Variants in SUPT6H observed in about 807,000 individuals in gnomAD.
SUPT6H encodes the protein SPT6 homolog, histone chaperone and transcription elongation factor, also known as transcription elongation factor SPT6.
Under a neutral mutation model 222.3 loss-of-function variants are expected in SUPT6H, and 11 were observed. The observed-to-expected ratio is 0.05, with a 90% CI of 0.03 to 0.08. The LOEUF is 0.08. SUPT6H is among the 10% of genes least tolerant of loss of function. The pLI is 1.00. For synonymous variants in SUPT6H, 762 were observed against 801.2 expected (o/e 0.95, Z 0.83); for missense variants, 1,422 against 2,216.0 (o/e 0.64, Z 7.19).
At chr17:28,669,322 G>C (rs1434638497) in intron 1 of SUPT6H, among the ~76,000 whole-genome samples, 1 of 152,050 alleles carries the variant, frequency 6.6e-6, no homozygotes, top group Non-Finnish European at 1.5e-5. Flanking sequence ...CTCCTGAATA[G>C]CTGGGACTAC....
intron 29 of SUPT6H, among the ~76,000 whole-genome samples, chr17:28,696,019 G>A (rs2031890294): frequency 6.6e-6 from 1 of 151,948 alleles, no homozygotes; most frequent in Non-Finnish European, 1.5e-5. Context: ...TTTTTAAATA[G>A]CCAGGAGCCA....
intron 28 of SUPT6H, among the ~76,000 whole-genome samples, chr17:28,694,832 C>T (rs746746302): frequency 1.3e-5 from 2 of 152,054 alleles, no homozygotes; most frequent in Non-Finnish European, 2.9e-5. Context: ...GGTGAAACCC[C>T]GTCTCTACAG....
intron 1 of SUPT6H, among the ~76,000 whole-genome samples, chr17:28,667,403 G>GTATA (rs1432342239): frequency 0.19 from 7,983 of 42,012 alleles, 1,057 homozygotes; most frequent in Non-Finnish European, 0.28. Context: ...AAGTGTGTGT[G>GTATA]TGTATATATA....
At chr17:28,666,449 CTT>C (rs1285053643) in intron 1 of SUPT6H, among the ~76,000 whole-genome samples, 4 of 151,876 alleles carry the variant, frequency 2.6e-5, no homozygotes, top group Non-Finnish European at 5.9e-5. Context: ...GTTAATCTCT[CTT>C]TGTGTTGCAG....
chr17:28,699,838 A>T lies in SUPT6H; in HGVS notation c.4506A>T (p.Pro1502=), dbSNP rs147093801. 93 of 1,613,940 alleles carry T rather than the reference A, an allele frequency of 5.8e-5. No homozygotes were observed. In the African/African-American group the frequency reaches 1.2e-3, roughly 21 times the overall value. ...TCCGGTACCGGGGCCAGATCTTCCC[A>T]ACCGTGAATGGACTGTTTAGATGGT... ...EGFRYRGQIF[P]TVNGLFRWFK... Residue 1502 remains proline, a synonymous_variant, in exon 33 of 37, where the codon CCA becomes CCT. Transcript: ENST00000314616.
chr17:28,687,462 C>A lies in SUPT6H; in HGVS notation c.2997C>A (p.His999Gln). ...VCGLGPRKGTHLLKILKQNNT... is the reference protein window; with the variant it reads ...VCGLGPRKGTQLLKILKQNNT... Reference sequence around the variant, plus strand: ...GCCTGGGACCTCGGAAAGGGACCCACCTCCTGAAGGTAGGATTGGAGTGAA... The same window carrying A: ...GCCTGGGACCTCGGAAAGGGACCCAACTCCTGAAGGTAGGATTGGAGTGAA... The change falls in exon 23 of 37, where the codon CAC (histidine) becomes CAA (glutamine). Residue 999 changes from histidine (H) to glutamine (Q), a missense_variant. His to Gln is a conservative substitution (Grantham distance 24). Coordinates refer to ENST00000314616, the MANE Select transcript of SUPT6H (RefSeq NM_003170.5). 1.2e-6 allele frequency: 2 copies of A among 1,614,022 alleles called. No homozygotes were observed. The highest frequency in any genetic ancestry group is 8.5e-7 in the Non-Finnish European group (1 of 1,179,988).
chr17:28,681,867 A>G lies in SUPT6H; in HGVS notation c.1499-15A>G, dbSNP rs752159607. The G allele has an allele frequency of 1.3e-6, 2 of 1,599,498 alleles. No individual in the cohort carries two copies. Among genetic ancestry groups the G allele is most frequent in the East Asian group, 4.5e-5 (2 of 44,454 alleles). Reference sequence around the variant, plus strand: ...GGAAACTAGAACCCTAAATCTCCCCATGTTTTCTTCCCAGGTGAAGGTGAC... The same window carrying G: ...GGAAACTAGAACCCTAAATCTCCCCGTGTTTTCTTCCCAGGTGAAGGTGAC... On this transcript the variant is annotated splice_polypyrimidine_tract_variant and intron_variant, in intron 12 of 36. Transcript: ENST00000314616.
rs982041493 is a variant in SUPT6H at position 28,688,037 on chromosome 17, C to T, written c.3007-54C>T. The T allele has an allele frequency of 2.2e-5, 34 of 1,537,320 alleles. No homozygotes were observed. The highest frequency in any genetic ancestry group is 1.2e-4 in the Admixed American group (6 of 50,786). On this transcript the variant is annotated intron_variant, in intron 23 of 36. Coordinates refer to ENST00000314616, the MANE Select transcript of SUPT6H (RefSeq NM_003170.5). This position sits in a 1 kb window ranked among gnomAD's most constrained non-coding sequence, Gnocchi z 4.3. Reference sequence around the variant, plus strand: ...AGGGTTTAATAGAGACTGGAACAGTCTGGGGAGGTGGGGCCTGCTTACTGC... The same window carrying T: ...AGGGTTTAATAGAGACTGGAACAGTTTGGGGAGGTGGGGCCTGCTTACTGC...
intron 1 of SUPT6H, among the ~76,000 whole-genome samples, chr17:28,667,401 GTGTGTATATATATATA>G (rs2030102520): frequency 5.0e-5 from 1 of 20,032 alleles, no homozygotes; most frequent in South Asian, 3.6e-3. Context: ...AAAAGTGTGT[GTGTGTATATATATATA>G]TATATATATA....
intron 1 of SUPT6H, among the ~76,000 whole-genome samples, chr17:28,667,403 G>GCATATATA (rs1555546894): frequency 2.4e-5 from 1 of 42,352 alleles, no homozygotes; most frequent in Non-Finnish European, 4.8e-5. Context: ...AAGTGTGTGT[G>GCATATATA]TGTATATATA....
intron 29 of SUPT6H, 41 bp from the exon 30 acceptor site, chr17:28,696,802 AG>A: frequency 6.3e-7 from 1 of 1,578,306 alleles, no homozygotes; most frequent in Non-Finnish European, 8.7e-7. Flanking sequence ...GCCAGCTCCT[AG>A]CCCCATCACC....
intron 20 of SUPT6H, 95 bp from the exon 21 acceptor site, chr17:28,686,559 A>C (rs1186942346): frequency 1.3e-6 from 2 of 1,542,944 alleles, no homozygotes; most frequent in Non-Finnish European, 1.7e-6. Context: ...TTTTCTTCAA[A>C]GCCCTTTCCT....
At position 28,690,176 on chromosome 17, in the gene SUPT6H, C is replaced by G. The variant is rs2031575703; in HGVS notation, c.3437C>G (p.Thr1146Arg). The change falls in exon 26 of 37, where the codon ACA (threonine) becomes AGA (arginine). Residue 1146 changes from threonine (T) to arginine (R), a missense_variant. By Grantham distance (71) the Thr-to-Arg change is moderately conservative (BLOSUM62 -1). This residue lies in a region of SUPT6H where 60 missense variants were observed against 96.7 expected (regional missense o/e 0.62). Coordinates refer to ENST00000314616, the MANE Select transcript of SUPT6H (RefSeq NM_003170.5). ...CGGACAGCCTACCGCTCTCCCAACACAGAGGAGATCTTCAATATGTTAACC... is the reference window on the plus strand; with the variant it reads ...CGGACAGCCTACCGCTCTCCCAACAGAGAGGAGATCTTCAATATGTTAACC... ...DLRTAYRSPN[T>R]EEIFNMLTKE... is the part of the protein sequence containing the mutation. The G allele has an allele frequency of 6.2e-7, 1 of 1,613,888 alleles. No individual in the cohort carries two copies. Among genetic ancestry groups the G allele is most frequent in the Non-Finnish European group, 8.5e-7 (1 of 1,180,028 alleles).
chr17:28,687,600 G>A, intron 23 of SUPT6H, 129 bp downstream of exon 23: 1 of 1,076,320 alleles, frequency 9.3e-7, no homozygotes, highest in Admixed American at 2.5e-5. Flanking sequence ...CACTCAGCTA[G>A]TGAGAGTCAA....
chr17:28,669,879 C>T (rs532622091), intron 1 of SUPT6H, among the ~76,000 whole-genome samples: 197 of 152,294 alleles, frequency 1.3e-3, no homozygotes, highest in Non-Finnish European at 2.2e-3. Flanking sequence ...GAGGTTGCAG[C>T]GAGCCAGGAT....
chr17:28,677,640 G>A (rs2030837350), intron 7 of SUPT6H, 75 bp from the exon 8 acceptor site: 2 of 1,044,560 alleles, frequency 1.9e-6, no homozygotes, highest in Non-Finnish European at 3.0e-6. Flanking sequence ...ACACGTTTCT[G>A]TCCAAAAAGG....
chr17:28,683,494 T>TC (rs2031225929), intron 16 of SUPT6H, 72 bp downstream of exon 16: 1 of 1,595,102 alleles, frequency 6.3e-7, no homozygotes, highest in African/African-American at 1.3e-5. Context: ...GAAGGGCCCC[T>TC]CAGGAGTGGG....
Position 28,701,528 on chromosome 17 carries a change from G to A in SUPT6H, c.5084G>A (p.Arg1695Gln), listed in dbSNP as rs754596281. ...KEAERRKQKQ[R>Q]LTPRPSPSPM... ...GCAGAACGGCGGAAACAGAAGCAGC[G>A]GCTGACACCTCGGCCCTCCCCCAGC... is the stretch of plus-strand genomic sequence containing the variant. Residue 1695 changes from arginine to glutamine, a missense_variant, in exon 37 of 37, where the codon CGG becomes CAG. Arg to Gln is a conservative substitution (Grantham distance 43). Around this residue, in one of 13 missense-constraint regions of SUPT6H, gnomAD observed 395 missense variants for 580.6 expected, o/e 0.68. Coordinates refer to ENST00000314616, the MANE Select transcript of SUPT6H (RefSeq NM_003170.5). The A allele has an allele frequency of 3.3e-5, 53 of 1,613,982 alleles. No individual in the cohort carries two copies. The highest frequency in any genetic ancestry group is 4.4e-5 in the South Asian group (4 of 91,084).
intron 1 of SUPT6H, chr17:28,670,148 G>A (rs1400831001): frequency 6.6e-6 from 1 of 152,206 alleles, no homozygotes; most frequent in Admixed American, 6.5e-5. Flanking sequence ...ACTATTGATA[G>A]ATGTGGTACT....
Sources: allele counts gnomAD v4.1 joint callset (sites outside exome capture counted in the v4.1 genomes callset), GRCh38; gene constraint gnomAD v4.1.1; regional missense constraint gnomAD v4.1.1; non-coding constraint Gnocchi (gnomAD v3.1); transcripts MANE v1.5; gene names NCBI Gene and HGNC (gene_info 2026-07-23, HGNC 2026-07-21).